ANK1: variants seen among roughly 807,000 people sequenced by gnomAD.
ANK1 encodes the protein ankyrin 1, also known as ankyrin-1.
Under a neutral mutation model 210.4 loss-of-function variants are expected in ANK1, and 51 were observed. That is an observed-to-expected ratio of 0.24 (90% CI 0.19 to 0.31). The LOEUF (loss-of-function observed/expected upper bound fraction) is 0.31, where lower values mean the gene tolerates loss of function less well. ANK1 is among the 10% of genes least tolerant of loss of function. ANK1 has a pLI of 1.00. For synonymous variants in ANK1, 967 were observed against 1,025.9 expected (o/e 0.94, Z 1.10); for missense variants, 2,051 against 2,504.4 (o/e 0.82, Z 3.86).
At position 41,672,887 on chromosome 8, in the gene ANK1, C is replaced by A; in HGVS notation, c.4563G>T (p.Leu1521=). The change falls in exon 38 of 43, where the codon CTG becomes CTT. Residue 1521 remains leucine, a synonymous_variant. Coordinates refer to ENST00000289734, the MANE Select transcript of ANK1 (RefSeq NM_000037.4). ...MNGYSSLQDE[L]LSPASLGCAL... ...CACAGCCCAGGGAGGCAGGGGACAGCAGCTCGTCCTGCAGTGAGGAGTAAC... is the reference window on the plus strand; with the variant it reads ...CACAGCCCAGGGAGGCAGGGGACAGAAGCTCGTCCTGCAGTGAGGAGTAAC... 6.2e-7 allele frequency: 1 copy of A among 1,604,178 alleles called. No homozygotes were observed. The highest frequency in any genetic ancestry group is 8.5e-7 in the Non-Finnish European group (1 of 1,179,874).
intron 1 of ANK1, among the ~76,000 whole-genome samples, chr8:41,761,922 G>A (rs959093136): frequency 1.4e-4 from 21 of 150,840 alleles, no homozygotes; most frequent in African/African-American, 4.6e-4. Flanking sequence ...CTGCTTCCTC[G>A]CTCTGCCTCC....
chr8:41,691,061 A>G (rs986965838), intron 31 of ANK1, among the ~76,000 whole-genome samples: 3 of 152,110 alleles, frequency 2.0e-5, no homozygotes, highest in African/African-American at 4.8e-5. Flanking sequence ...CATCTTTACA[A>G]ATTTTTTTAA....
At chr8:41,864,348 T>C (rs1587496083) in intron 1 of ANK1, among the ~76,000 whole-genome samples, 1 of 151,820 alleles carries the variant, frequency 6.6e-6, no homozygotes, top group Non-Finnish European at 1.5e-5. Context: ...TCTATAAGAA[T>C]GTTTCTTTAT....
At chr8:41,663,114 CTGTGTGTGTGTG>C (rs56138651) in intron 40 of ANK1, among the ~76,000 whole-genome samples, 2 of 145,236 alleles carry the variant, frequency 1.4e-5, no homozygotes, top group East Asian at 4.1e-4. Context: ...CTCTCTCTCT[CTGTGTGTGTGTG>C]TGTGTGTGTG....
intron 1 of ANK1, among the ~76,000 whole-genome samples, chr8:41,841,556 GACAA>G (rs1034996162): frequency 9.9e-5 from 15 of 152,258 alleles, no homozygotes; most frequent in African/African-American, 3.4e-4. Flanking sequence ...CACAAAAGCA[GACAA>G]ACAAACAAAA....
intron 4 of ANK1, among the ~76,000 whole-genome samples, chr8:41,727,566 T>A (rs1320587885): frequency 1.3e-5 from 2 of 152,182 alleles, no homozygotes; most frequent in Non-Finnish European, 2.9e-5. Context: ...TAGGTCAGTC[T>A]CTTCAGCTCA....
chr8:41,764,142 A>T (rs915811229), intron 1 of ANK1, among the ~76,000 whole-genome samples: 3 of 137,556 alleles, frequency 2.2e-5, no homozygotes, highest in African/African-American at 7.9e-5. Flanking sequence ...TAATCAAGCA[A>T]TTGTGTTATA....
chr8:41,775,427 G>GGCTT (rs1425684596), intron 1 of ANK1, among the ~76,000 whole-genome samples: 1 of 152,160 alleles, frequency 6.6e-6, no homozygotes, highest in Non-Finnish European at 1.5e-5. Flanking sequence ...TCTGGAGCAA[G>GGCTT]GCTTCCCTTA....
intron 9 of ANK1, 135 bp from the exon 10 acceptor site, chr8:41,719,993 C>T: frequency 2.9e-6 from 3 of 1,047,648 alleles, no homozygotes; most frequent in Non-Finnish European, 4.3e-6. Context: ...GAGCTTGGCT[C>T]ACCCTGGCCT....
At chr8:41,895,398 C>A (rs539289551) in intron 1 of ANK1, among the ~76,000 whole-genome samples, 1 of 152,296 alleles carries the variant, frequency 6.6e-6, no homozygotes, top group South Asian at 2.1e-4. Context: ...CTCTAAGGTG[C>A]CCTGACTTCT....
chr8:41,788,816 G>C (rs1846998472), intron 1 of ANK1: 1 of 152,132 alleles, frequency 6.6e-6, no homozygotes, highest in African/African-American at 2.4e-5. Context: ...AGCTTTGTGG[G>C]CTTCCCCAAC....
At chr8:41,793,996 C>A (rs79623703) in intron 1 of ANK1, among the ~76,000 whole-genome samples, 3,484 of 152,258 alleles carry the variant, frequency 0.023, 119 homozygotes, top group African/African-American at 0.069. Flanking sequence ...AAGTTGAGAA[C>A]GGTTGTACTA....
At position 41,672,958 on chromosome 8, in the gene ANK1, T is replaced by C. The variant is rs374955653; in HGVS notation, c.4538-46A>G. 4.9e-5 allele frequency: 75 copies of C among 1,543,428 alleles called. No individual in the cohort carries two copies. In the African/African-American group the frequency reaches 9.8e-4, roughly 20 times the overall value. On this transcript the variant is annotated intron_variant, in intron 37 of 42. Transcript: ENST00000289734. Reference sequence around the variant, plus strand: ...CAACATGCTCCAGCAGTGATTCCTGTCCCACCCATTCACGTGCAGGTCCAC... The same window carrying C: ...CAACATGCTCCAGCAGTGATTCCTGCCCCACCCATTCACGTGCAGGTCCAC...
chr8:41,745,460 G>C (rs1472562637), intron 2 of ANK1, among the ~76,000 whole-genome samples: 2 of 152,238 alleles, frequency 1.3e-5, no homozygotes, highest in African/African-American at 4.8e-5. Context: ...AGACACGGGA[G>C]ATGCGGGAAT....
intron 1 of ANK1, among the ~76,000 whole-genome samples, chr8:41,763,404 G>A (rs1233630053): frequency 1.3e-5 from 2 of 152,096 alleles, no homozygotes; most frequent in African/African-American, 4.8e-5. Flanking sequence ...CAACCTGTGG[G>A]TAGGTATAAT....
intron 1 of ANK1, among the ~76,000 whole-genome samples, chr8:41,782,145 CG>C (rs1845471343): frequency 6.6e-6 from 1 of 152,320 alleles, no homozygotes; most frequent in South Asian, 2.1e-4. Context: ...CACTTGGGCC[CG>C]GGGCCCTTTA....
intron 17 of ANK1, among the ~76,000 whole-genome samples, chr8:41,707,761 A>T (rs1351644964): frequency 6.6e-6 from 1 of 152,220 alleles, no homozygotes; most frequent in Non-Finnish European, 1.5e-5. Context: ...TGGTTCGCTC[A>T]TTGGGGGTCA....
intron 31 of ANK1, 151 bp from the exon 32 acceptor site, chr8:41,690,750 GA>G: frequency 7.5e-7 from 1 of 1,334,170 alleles, no homozygotes; most frequent in Non-Finnish European, 1.0e-6. Context: ...TTTGTTTTGG[GA>G]AAGGCTTTAT....
chr8:41,808,082 A>G (rs1851231557), intron 1 of ANK1, among the ~76,000 whole-genome samples: 1 of 152,168 alleles, frequency 6.6e-6, no homozygotes. Context: ...CTCTAAGGCC[A>G]GACCCAGAAA....
Sources: gnomAD v4.1 joint callset for allele counts (sites outside exome capture counted in the v4.1 genomes callset) on GRCh38, gnomAD v4.1.1 for gene constraint, MANE v1.5 for transcripts, NCBI Gene and HGNC (gene_info 2026-07-23, HGNC 2026-07-21) for gene names.